Variants in FHIT observed in about 807,000 individuals in gnomAD.
FHIT encodes the protein fragile histidine triad diadenosine triphosphatase.
A neutral mutation model predicts 17.9 loss-of-function variants in FHIT; 19 were observed. The ratio of observed to expected loss-of-function variants is 1.06; its 90% CI spans 0.74 to 1.56. The LOEUF (loss-of-function observed/expected upper bound fraction) is 1.56. Ranked by LOEUF, FHIT falls within the 40% of genes most tolerant of loss-of-function variation. The pLI is 0.00. For missense variants in FHIT, 248 were observed against 189.2 expected (o/e 1.31, Z -1.82); for synonymous variants, 81 against 69.7 (o/e 1.16, Z -0.81).
chr3:60,106,767 T>C (rs547760269), intron 5 of FHIT, among the ~76,000 whole-genome samples: 2 of 152,300 alleles, frequency 1.3e-5, no homozygotes, highest in East Asian at 1.9e-4. Context: ...AGCCACAATA[T>C]TGATGGACGG....
In FHIT at chr3:60,000,524, A is replaced by C. The variant is rs530344708; in HGVS notation, c.279+10847T>G. 4.1e-4 allele frequency among the ~76,000 whole-genome samples: 63 copies of C among 152,244 alleles called. 2 individuals carry two copies. The South Asian group carries it at 0.012, about 28-fold the overall frequency. On this transcript the variant is annotated intron_variant, in intron 7 of 9. Coordinates refer to ENST00000492590, the MANE Select transcript of FHIT (RefSeq NM_002012.4). ...GTCTGCCAACCCCTGGTGTGTACCA[A>C]ACAAGGTCTGCACCTGGAGCTAAAG... is the stretch of plus-strand genomic sequence containing the variant.
At chr3:60,934,647 A>T (rs1708108815) in intron 3 of FHIT, among the ~76,000 whole-genome samples, 2 of 152,348 alleles carry the variant, frequency 1.3e-5, no homozygotes, top group South Asian at 4.1e-4. Context: ...TTTAAAGAGG[A>T]GAATGCTAAA....
chr3:60,252,308 CCAAAGCGGGAAAA>C lies in FHIT; in HGVS notation c.104-238169_104-238157del, dbSNP rs1342362670. 3.3e-3 allele frequency among the ~76,000 whole-genome samples: 498 copies of C among 152,204 alleles called. 5 individuals carry two copies. The highest frequency in any genetic ancestry group is 0.011 in the African/African-American group (449 of 41,546). On this transcript the variant is annotated intron_variant, in intron 5 of 9. Coordinates refer to ENST00000492590, the MANE Select transcript of FHIT (RefSeq NM_002012.4). ...CCTGTAATCCCAGAACTTTGGGAAA[CCAAAGCGGGAAAA>C]TTGCTTGAGCCCAGGAGTTTAAGAC...
intron 8 of FHIT, among the ~76,000 whole-genome samples, chr3:59,772,852 G>C (rs1013782049): frequency 6.6e-6 from 1 of 152,104 alleles, no homozygotes; most frequent in African/African-American, 2.4e-5. Context: ...AGCGAATATC[G>C]AGGGAGAAAA....
chr3:60,864,858 T>A (rs2107025119), intron 3 of FHIT, among the ~76,000 whole-genome samples: 1 of 152,106 alleles, frequency 6.6e-6, no homozygotes, highest in Non-Finnish European at 1.5e-5. Context: ...CCTTTGAAAA[T>A]GCATCAAAAC....
intron 4 of FHIT, among the ~76,000 whole-genome samples, chr3:60,781,543 T>G (rs1232825029): frequency 2.0e-5 from 3 of 152,170 alleles, no homozygotes; most frequent in Non-Finnish European, 2.9e-5. Context: ...CAACCTGCAG[T>G]TCTTCACTAT....
intron 5 of FHIT, among the ~76,000 whole-genome samples, chr3:60,296,325 C>T (rs1055643174): frequency 2.0e-5 from 3 of 152,054 alleles, no homozygotes; most frequent in South Asian, 2.1e-4. Flanking sequence ...ATCATTTTCC[C>T]CGCATCTTCA....
intron 9 of FHIT, chr3:59,750,455 C>T (rs1700831762): frequency 1.3e-5 from 3 of 224,412 alleles, no homozygotes. Context: ...GGTTTGTAGT[C>T]ATGCCCATAG....
intron 5 of FHIT, among the ~76,000 whole-genome samples, chr3:60,274,228 G>C (rs967151325): frequency 6.6e-6 from 1 of 151,984 alleles, no homozygotes; most frequent in Admixed American, 6.5e-5. Flanking sequence ...ACTAACTTAT[G>C]TGTCTCATTC....
chr3:60,005,323 T>TC (rs1699883607), intron 7 of FHIT, among the ~76,000 whole-genome samples: 1 of 23,824 alleles, frequency 4.2e-5, no homozygotes, highest in South Asian at 9.6e-4. Context: ...CTCAATGATT[T>TC]GTATCTACTT....
At chr3:60,343,625 T>C (rs909635879) in intron 5 of FHIT, among the ~76,000 whole-genome samples, 3 of 152,178 alleles carry the variant, frequency 2.0e-5, no homozygotes, top group Non-Finnish European at 4.4e-5. Flanking sequence ...TGAAACCTAA[T>C]TAATAATGTT....
chr3:60,290,017 T>C (rs955808116), intron 5 of FHIT, among the ~76,000 whole-genome samples: 1 of 152,190 alleles, frequency 6.6e-6, no homozygotes, highest in Non-Finnish European at 1.5e-5. Context: ...CACGATATAA[T>C]GACCCACCAG....
intron 3 of FHIT, among the ~76,000 whole-genome samples, chr3:60,973,704 A>T (rs1177858375): frequency 6.6e-6 from 1 of 152,216 alleles, no homozygotes; most frequent in Non-Finnish European, 1.5e-5. Context: ...TCACAAAGAA[A>T]CATGTAGTAA....
At chr3:60,152,097 A>G (rs1700492010) in intron 5 of FHIT, among the ~76,000 whole-genome samples, 1 of 152,164 alleles carries the variant, frequency 6.6e-6, no homozygotes, top group Non-Finnish European at 1.5e-5. Context: ...ACACAGACCA[A>G]CGTTCAGATC....
intron 5 of FHIT, among the ~76,000 whole-genome samples, chr3:60,517,818 T>C (rs2035217609): frequency 6.6e-6 from 1 of 152,146 alleles, no homozygotes; most frequent in Non-Finnish European, 1.5e-5. Context: ...AAGACCAACT[T>C]AGGAGTTCTG....
At chr3:59,783,289 T>C (rs1298194524) in intron 8 of FHIT, among the ~76,000 whole-genome samples, 1 of 152,074 alleles carries the variant, frequency 6.6e-6, no homozygotes, top group Non-Finnish European at 1.5e-5. Context: ...GCCAACATGG[T>C]GAAGCCCCTT....
chr3:60,849,415 C>T (rs1268975040), intron 3 of FHIT, among the ~76,000 whole-genome samples: 3 of 139,326 alleles, frequency 2.2e-5, no homozygotes, highest in African/African-American at 8.3e-5. Flanking sequence ...CATTTCCCTA[C>T]AGGACTTTTG....
intron 4 of FHIT, among the ~76,000 whole-genome samples, chr3:60,756,204 G>T (rs1257339934): frequency 2.0e-5 from 3 of 152,212 alleles, no homozygotes; most frequent in African/African-American, 7.2e-5. Context: ...AGCACCTTGT[G>T]GCTTGGGCTT....
At chr3:61,067,140 G>T (rs1042744180) in intron 2 of FHIT, among the ~76,000 whole-genome samples, 1 of 152,180 alleles carries the variant, frequency 6.6e-6, no homozygotes, top group Non-Finnish European at 1.5e-5. Context: ...ATGAAATTAG[G>T]TGGGGATAGG....
Sources: allele counts gnomAD v4.1 joint callset (sites outside exome capture counted in the v4.1 genomes callset), GRCh38; gene constraint gnomAD v4.1.1; transcripts MANE v1.5; gene names NCBI Gene and HGNC (gene_info 2026-07-23, HGNC 2026-07-21).